Variants in PYGO1 observed in about 807,000 individuals in gnomAD.
PYGO1 encodes pygopus family PHD finger 1, also known as pygopus homolog 1.
PYGO1 carries 6 observed loss-of-function variants against 29.5 expected under a neutral mutation model. The ratio of observed to expected loss-of-function variants is 0.20; its 90% CI spans 0.11 to 0.40. PYGO1 has a LOEUF of 0.40. Ranked by LOEUF, PYGO1 falls within the 10% of genes least tolerant of loss-of-function variation. The pLI, the probability that PYGO1 is intolerant of heterozygous loss-of-function variation, is 1.00. For synonymous variants in PYGO1, 186 were observed against 180.5 expected (o/e 1.03, Z -0.24); for missense variants, 515 against 514.9 (o/e 1.00, Z 0.00).
chr15:55,554,541 T>C (rs2058895207), intron 1 of PYGO1, among the ~76,000 whole-genome samples: 1 of 146,892 alleles, frequency 6.8e-6, no homozygotes, highest in African/African-American at 2.5e-5. Context: ...CTGACAGAGG[T>C]AGGCGCCAGA....
At position 55,544,218 on chromosome 15, in the gene PYGO1, A is replaced by G. The variant is rs1189691476; in HGVS notation, c.*1805T>C. 1 of 152,236 alleles carries G rather than the reference A, an allele frequency of 6.6e-6. No homozygotes were observed. Among genetic ancestry groups the G allele is most frequent in the Non-Finnish European group, 1.5e-5 (1 of 68,032 alleles). 9.4% of individuals were successfully genotyped at this position (152,236 alleles called of 1,614,324 possible). On this transcript the variant is annotated 3_prime_UTR_variant, in exon 3 of 3. Transcript: ENST00000563719. The stretch of plus-strand genomic sequence containing the variant: ...TCAAAATTAAAACAATGTATTTAAA[A>G]AAATAAGTTTTATTCAATCAAAATA...
At chr15:55,557,169 C>T (rs1006988571) in intron 1 of PYGO1, among the ~76,000 whole-genome samples, 34 of 152,132 alleles carry the variant, frequency 2.2e-4, no homozygotes, top group Non-Finnish European at 3.7e-4. Context: ...ATATCACCAC[C>T]GATCCCACAG....
chr15:55,575,646 C>T (rs2058998223), intron 1 of PYGO1, among the ~76,000 whole-genome samples: 2 of 152,176 alleles, frequency 1.3e-5, no homozygotes, highest in African/African-American at 4.8e-5. Flanking sequence ...CATGGCAACC[C>T]TGGCCTGATG....
At chr15:55,574,317 G>A (rs1567058558) in intron 1 of PYGO1, among the ~76,000 whole-genome samples, 1 of 152,170 alleles carries the variant, frequency 6.6e-6, no homozygotes, top group Non-Finnish European at 1.5e-5. Flanking sequence ...AGTACAGTAA[G>A]CACAGTTAAT....
In PYGO1 at chr15:55,546,376, T is replaced by C; in HGVS notation, c.907A>G (p.Thr303Ala). 2 of 1,614,230 alleles carry C rather than the reference T, an allele frequency of 1.2e-6. No individual in the cohort carries two copies. The highest frequency in any genetic ancestry group is 1.7e-6 in the Non-Finnish European group (2 of 1,180,030). Reference protein sequence around the residue: ...EATNNNPANGTQNKPRQPRGA... With the variant: ...EATNNNPANGAQNKPRQPRGA... ...CTTGGTTGTCGTGGCTTATTCTGCG[T>C]CCCATTTGCAGGGTTATTGTTTGTG... Residue 303 changes from threonine (T) to alanine (A), a missense_variant, in exon 3 of 3, where the codon ACG becomes GCG. By Grantham distance (58) the Thr-to-Ala change is moderately conservative. Coordinates refer to ENST00000563719, the MANE Select transcript of PYGO1 (RefSeq NM_001367806.1).
intron 1 of PYGO1, among the ~76,000 whole-genome samples, chr15:55,561,391 A>G (rs2058932107): frequency 6.6e-6 from 1 of 152,224 alleles, no homozygotes; most frequent in South Asian, 2.1e-4. Context: ...TAATTGACTC[A>G]CATTTCCACA....
At chr15:55,569,645 G>A (rs534456430) in intron 1 of PYGO1, among the ~76,000 whole-genome samples, 4 of 152,238 alleles carry the variant, frequency 2.6e-5, no homozygotes, top group Non-Finnish European at 5.9e-5. Context: ...TTATTCCACC[G>A]TGGTCCAAAA....
At chr15:55,573,324 A>G (rs925372371) in intron 1 of PYGO1, among the ~76,000 whole-genome samples, 7 of 149,242 alleles carry the variant, frequency 4.7e-5, no homozygotes, top group African/African-American at 1.8e-4. Context: ...AAAAAAAAAA[A>G]GAGAGACAAG....
At chr15:55,548,434 G>A (rs1043184795) in intron 2 of PYGO1, among the ~76,000 whole-genome samples, 3 of 151,694 alleles carry the variant, frequency 2.0e-5, no homozygotes, top group African/African-American at 4.8e-5. Context: ...ACAGCGAGGC[G>A]TGGTGGCTCA....
At chr15:55,580,207 T>C (rs1419933843) in intron 1 of PYGO1, among the ~76,000 whole-genome samples, 1 of 152,240 alleles carries the variant, frequency 6.6e-6, no homozygotes, top group African/African-American at 2.4e-5. Flanking sequence ...TTCATAAATA[T>C]TATTCAATAA....
chr15:55,588,062 G>C lies in PYGO1; in HGVS notation c.-179C>G, dbSNP rs2059057044. On this transcript the variant is annotated 5_prime_UTR_variant, in exon 1 of 3. Transcript: ENST00000563719. ...TTTGCAAAGTTTGGGAGGAGGACGA[G>C]GCCTCGGGGCGGCGGGGCGGCGGGG... 1 of 1,130,370 alleles carries C rather than the reference G, an allele frequency of 8.8e-7. No homozygotes were observed. The highest frequency in any genetic ancestry group is 3.4e-4 in the Middle Eastern group (1 of 2,978). 70.0% of individuals were successfully genotyped at this position (1,130,370 alleles called of 1,614,324 possible). A position where few individuals can be genotyped will look rare whatever the true frequency, so the allele number is the denominator to read the frequency against.
In PYGO1 at chr15:55,547,143, G is replaced by C. The variant is rs1203891994; in HGVS notation, c.140C>G (p.Pro47Arg). ...ATACTCAGACAATGGAGGGAAAGAAGGTCCCTGAAATGAGAATGTAAAGTA... is the reference window on the plus strand; with the variant it reads ...ATACTCAGACAATGGAGGGAAAGAACGTCCCTGAAATGAGAATGTAAAGTA... ...KKKRKANTQG[P>R]SFPPLSEYAP... is the part of the protein sequence containing the mutation. The change falls in exon 3 of 3, where the codon CCT (proline) becomes CGT (arginine). Residue 47 changes from proline to arginine, a missense_variant. By Grantham distance (103) the Pro-to-Arg change is moderately radical (BLOSUM62 -2). Coordinates refer to ENST00000563719, the MANE Select transcript of PYGO1 (RefSeq NM_001367806.1). 3 of 1,584,140 alleles carry C rather than the reference G, an allele frequency of 1.9e-6. No homozygotes were observed. Among genetic ancestry groups the C allele is most frequent in the African/African-American group, 1.3e-5 (1 of 74,190 alleles).
At chr15:55,572,220 C>T (rs1459672734) in intron 1 of PYGO1, among the ~76,000 whole-genome samples, 1 of 152,112 alleles carries the variant, frequency 6.6e-6, no homozygotes, top group Non-Finnish European at 1.5e-5. Context: ...CACCATGGAA[C>T]ACAATCAAGA....
chr15:55,570,739 C>T (rs569820352), intron 1 of PYGO1, among the ~76,000 whole-genome samples: 1 of 152,122 alleles, frequency 6.6e-6, no homozygotes, highest in African/African-American at 2.4e-5. Context: ...TAATAAAATG[C>T]ATCAATATTT....
chr15:55,568,397 C>T (rs2058966489), intron 1 of PYGO1, among the ~76,000 whole-genome samples: 1 of 147,998 alleles, frequency 6.8e-6, no homozygotes, highest in African/African-American at 2.5e-5. Context: ...ATGTGGCTCT[C>T]AGCTTGTATA....
intron 1 of PYGO1, among the ~76,000 whole-genome samples, chr15:55,583,184 T>C (rs1362845816): frequency 1.3e-5 from 2 of 152,180 alleles, no homozygotes; most frequent in Admixed American, 6.5e-5. Context: ...TTTATGACAA[T>C]AGAAACCTTG....
intron 1 of PYGO1, among the ~76,000 whole-genome samples, chr15:55,570,962 C>T (rs1245135619): frequency 6.6e-6 from 1 of 152,168 alleles, no homozygotes; most frequent in African/African-American, 2.4e-5. Context: ...GCATAACCAA[C>T]CTCCAGAATG....
chr15:55,547,248 T>A, intron 2 of PYGO1, 101 bp from the exon 3 acceptor site: 1 of 1,016,310 alleles, frequency 9.8e-7, no homozygotes, highest in Non-Finnish European at 1.4e-6. Context: ...TAGTCAAATT[T>A]CTCTTGCAGT....
At chr15:55,570,536 CTG>C (rs1012414978) in intron 1 of PYGO1, among the ~76,000 whole-genome samples, 1 of 145,724 alleles carries the variant, frequency 6.9e-6, no homozygotes, top group Non-Finnish European at 1.5e-5. Context: ...AAAAAAAAAA[CTG>C]AACATATTTA....
Sources: allele counts gnomAD v4.1 joint callset (sites outside exome capture counted in the v4.1 genomes callset), GRCh38; gene constraint gnomAD v4.1.1; transcripts MANE v1.5; gene names NCBI Gene and HGNC (gene_info 2026-07-23, HGNC 2026-07-21).